C12orf76: variants seen among roughly 807,000 people sequenced by gnomAD.
C12orf76 encodes uncharacterized protein C12orf76.
In C12orf76, 6 loss-of-function variants were observed where a neutral mutation model predicts 6.8. The ratio of observed to expected loss-of-function variants is 0.88; its 90% CI spans 0.48 to 1.73. The LOEUF is 1.73. Ranked by LOEUF, C12orf76 falls within the 40% of genes most tolerant of loss-of-function variation. The probability of loss-of-function intolerance (pLI) is 0.01; values close to 1 mark genes in which losing one functional copy is unlikely to be tolerated. For synonymous variants in C12orf76, 56 were observed against 43.7 expected, an observed-to-expected ratio of 1.28 and a Z score of -1.11; for missense variants, 99 against 98.2, an observed-to-expected ratio of 1.01 and a Z score of -0.03.
At chr12:110,069,450 A>G (rs780483873), upstream of C12orf76, among the ~76,000 whole-genome samples, 13 of 152,194 alleles carry the variant, frequency 8.5e-5, no homozygotes, top group Non-Finnish European at 1.6e-4. Flanking sequence ...AAAACAAACA[A>G]ACAAACAAAA....
intron 1 of C12orf76, among the ~76,000 whole-genome samples, chr12:110,044,748 C>A (rs1892403445): frequency 6.6e-6 from 1 of 151,978 alleles, no homozygotes; most frequent in Non-Finnish European, 1.5e-5. Context: ...CCAAGGCAAG[C>A]AGATCACCTG....
chr12:110,052,915 G>A (rs1892604709), upstream of C12orf76, among the ~76,000 whole-genome samples: 1 of 152,176 alleles, frequency 6.6e-6, no homozygotes, highest in South Asian at 2.1e-4. Context: ...TTTGTTAAAA[G>A]TTCATGGCTG....
At chr12:110,057,769 AAATT>A (rs1395934620) in intron 3 of C12orf76, among the ~76,000 whole-genome samples, 10 of 152,186 alleles carry the variant, frequency 6.6e-5, no homozygotes, top group African/African-American at 2.4e-4. Flanking sequence ...GAAAAAATAT[AAATT>A]AAGATCCCAG....
intron 1 of C12orf76, among the ~76,000 whole-genome samples, chr12:110,045,225 T>C (rs1892418515): frequency 6.6e-6 from 1 of 152,236 alleles, no homozygotes; most frequent in African/African-American, 2.4e-5. Context: ...GGACTACAAT[T>C]GGACTTAAAG....
upstream of C12orf76, among the ~76,000 whole-genome samples, chr12:110,069,056 GT>G (rs1189812500): frequency 6.6e-6 from 1 of 152,180 alleles, no homozygotes; most frequent in African/African-American, 2.4e-5. Flanking sequence ...ACTGGCAATA[GT>G]TTTTTCTTCA....
chr12:110,059,307 T>A (rs1892730135), intron 2 of C12orf76: 1 of 1,036,378 alleles, frequency 9.6e-7, no homozygotes, highest in South Asian at 1.9e-5. Flanking sequence ...GATTGTGCCA[T>A]CTGTGATTAA....
chr12:110,050,770 T>C (rs775055462), upstream of C12orf76: 1 of 573,184 alleles, frequency 1.7e-6, no homozygotes, highest in Non-Finnish European at 3.1e-6. Context: ...GAGTAGCCAT[T>C]CTTTTATTCC....
intron 2 of C12orf76, among the ~76,000 whole-genome samples, chr12:110,063,814 G>A (rs577285264): frequency 2.0e-5 from 3 of 152,058 alleles, no homozygotes; most frequent in Admixed American, 2.0e-4. Flanking sequence ...GGCTGAGACA[G>A]GAGAATTGCC....
At chr12:110,068,232 GAGAAGAAGAAGAAGAAAGAAGAAGA>G (rs1482900772), upstream of C12orf76, among the ~76,000 whole-genome samples, 24 of 138,192 alleles carry the variant, frequency 1.7e-4, 1 homozygote, top group African/African-American at 5.3e-4. Flanking sequence ...AGAAGGAGAA[GAGAAGAAGAAGAAGAAAGAAGAAGA>G]AGAAGAAGAA....
upstream of C12orf76, among the ~76,000 whole-genome samples, chr12:110,052,835 G>T (rs1043512336): frequency 6.6e-6 from 1 of 152,160 alleles, no homozygotes; most frequent in Non-Finnish European, 1.5e-5. Flanking sequence ...TTTCAAAATT[G>T]CAGCTCCCCA....
upstream of C12orf76, chr12:110,050,884 C>T (rs1407765292): frequency 1.6e-6 from 1 of 628,406 alleles, no homozygotes. Flanking sequence ...GATCGGGACC[C>T]TTTTCCTGTA....
chr12:110,057,133 G>T, intron 4 of C12orf76: 1 of 1,240,020 alleles, frequency 8.1e-7, no homozygotes, highest in African/African-American at 1.5e-5. Context: ...CCATAAAGTT[G>T]TTCTTCAGAG....
chr12:110,042,692 C>T, intron 1 of C12orf76: 2 of 662,774 alleles, frequency 3.0e-6, no homozygotes, highest in South Asian at 1.6e-5. Flanking sequence ...AAAACAGTAA[C>T]ATGCTAGGGA....
At chr12:110,070,094 C>G (rs1892943466), upstream of C12orf76, among the ~76,000 whole-genome samples, 1 of 149,674 alleles carries the variant, frequency 6.7e-6, no homozygotes, top group African/African-American at 2.5e-5. Flanking sequence ...ACCAAAAATA[C>G]AAAAAAATTA....
At chr12:110,061,552 C>G (rs540281700) in intron 2 of C12orf76, among the ~76,000 whole-genome samples, 2,762 of 129,160 alleles carry the variant, frequency 0.021, 85 homozygotes, top group African/African-American at 0.075. Flanking sequence ...TTTTTTTTTT[C>G]TTGAAACGGA....
chr12:110,059,040 C>A, exon 3 of C12orf76: 2 of 1,551,630 alleles, frequency 1.3e-6, no homozygotes, highest in Non-Finnish European at 1.7e-6. Context: ...GAAGCTTGTC[C>A]AAGGTCACAT....
At chr12:110,055,327 C>T (rs1892649791) in intron 4 of C12orf76, among the ~76,000 whole-genome samples, 1 of 151,558 alleles carries the variant, frequency 6.6e-6, no homozygotes, top group Admixed American at 6.6e-5. Context: ...AATTCTCCTG[C>T]CTCAGCCTCC....
intron 3 of C12orf76, among the ~76,000 whole-genome samples, chr12:110,058,809 C>T (rs1892720920): frequency 6.6e-6 from 1 of 152,200 alleles, no homozygotes. Flanking sequence ...TTAACTGTAA[C>T]TTTTGTTCAA....
intron 4 of C12orf76, among the ~76,000 whole-genome samples, chr12:110,055,917 G>T (rs1892658363): frequency 6.6e-6 from 1 of 152,064 alleles, no homozygotes; most frequent in Admixed American, 6.6e-5. Context: ...GGGAGGGTCA[G>T]AATCTTGTAG....
Sources: allele counts gnomAD v4.1 joint callset (sites outside exome capture counted in the v4.1 genomes callset), GRCh38; gene constraint gnomAD v4.1.1; transcripts MANE v1.5; gene names NCBI Gene and HGNC (gene_info 2026-07-23, HGNC 2026-07-21).